KIAA0586: variants seen among roughly 807,000 people sequenced by gnomAD.
KIAA0586 encodes the protein KIAA0586.
KIAA0586 carries 144 observed loss-of-function variants against 169.8 expected under a neutral mutation model. The observed-to-expected ratio is 0.85, with a 90% CI of 0.74 to 0.97. The LOEUF is 0.97. Among genes scored for constraint, KIAA0586 ranks in the 50% least tolerant of loss-of-function variants. KIAA0586 has a pLI of 0.00. For missense variants in KIAA0586, 1,854 were observed against 1,823.0 expected (o/e 1.02, Z -0.31); for synonymous variants, 625 against 612.4 (o/e 1.02, Z -0.30).
intron 30 of KIAA0586, among the ~76,000 whole-genome samples, chr14:58,544,248 G>A (rs942665556): frequency 4.6e-5 from 7 of 152,052 alleles, no homozygotes; most frequent in Admixed American, 2.0e-4. Flanking sequence ...ATGTACCACA[G>A]TTTCTTTATC....
At chr14:58,455,309 C>T (rs1365226615) in intron 9 of KIAA0586, among the ~76,000 whole-genome samples, 1 of 152,172 alleles carries the variant, frequency 6.6e-6, no homozygotes, top group Non-Finnish European at 1.5e-5. Flanking sequence ...CCTAGTAAGT[C>T]TAATATCTGG....
intron 22 of KIAA0586, 112 bp downstream of exon 22, chr14:58,487,278 G>A: frequency 2.1e-6 from 2 of 931,260 alleles, no homozygotes; most frequent in East Asian, 2.7e-5. Context: ...TTTCTCACAA[G>A]GAAATTTAGG....
intron 26 of KIAA0586, among the ~76,000 whole-genome samples, chr14:58,496,400 A>T (rs2043159209): frequency 6.6e-6 from 1 of 152,248 alleles, no homozygotes; most frequent in Non-Finnish European, 1.5e-5. Flanking sequence ...GATTCACAAC[A>T]GAGAAGTTAC....
At chr14:58,511,334 T>A (rs1344764394) in intron 28 of KIAA0586, among the ~76,000 whole-genome samples, 2 of 152,234 alleles carry the variant, frequency 1.3e-5, no homozygotes, top group Non-Finnish European at 2.9e-5. Flanking sequence ...CTAAGTTTTT[T>A]ACGTATTTTA....
rs545316898 is a variant in KIAA0586 at position 58,491,693 on chromosome 14, T to C, written c.3859-451T>C. ...GCAAAGGGACATTGAGGTCTATAGC[T>C]GCCATACCATACTTCTGCAGTTTTT... is the stretch of plus-strand genomic sequence containing the variant. On this transcript the variant is annotated intron_variant, in intron 25 of 30. Transcript: ENST00000652326. Among the ~76,000 whole-genome samples, 30 of 152,348 alleles carry C rather than the reference T, an allele frequency of 2.0e-4. 1 individual carries two copies. In the South Asian group the frequency reaches 6.2e-3, roughly 32 times the overall value.
intron 27 of KIAA0586, among the ~76,000 whole-genome samples, chr14:58,507,984 C>G (rs1039568188): frequency 9.9e-5 from 15 of 152,020 alleles, no homozygotes; most frequent in Non-Finnish European, 1.9e-4. Context: ...CAGGTTTCAC[C>G]GTGTTGGCCA....
Position 58,461,097 on chromosome 14 carries a change from A to C in KIAA0586, c.1996A>C (p.Arg666=), listed in dbSNP as rs772053869. 6.2e-7 allele frequency: 1 copy of C among 1,611,854 alleles called. No homozygotes were observed. Among genetic ancestry groups the C allele is most frequent in the African/African-American group, 1.3e-5 (1 of 74,872 alleles). ...CACTCTTAAAAAAGGACCATATCTC[A>C]GATTTAATTCTCCATCTCCTAAGTC... ...RSTLKKGPYL[R]FNSPSPKSRP... The change falls in exon 14 of 31, where the codon AGA becomes CGA. Residue 666 remains arginine (R), a synonymous_variant. Coordinates refer to ENST00000652326, the MANE Select transcript of KIAA0586 (RefSeq NM_001329943.3).
At chr14:58,437,818 A>C (rs1438079818) in intron 4 of KIAA0586, among the ~76,000 whole-genome samples, 1 of 152,092 alleles carries the variant, frequency 6.6e-6, no homozygotes, top group Non-Finnish European at 1.5e-5. Flanking sequence ...AGCTCTGGGA[A>C]TAGTTGAAGT....
At chr14:58,547,685 C>G (rs1566969553) in intron 30 of KIAA0586, 96 bp from the exon 31 acceptor site, 199 of 630,850 alleles carry the variant, frequency 3.2e-4, no homozygotes, top group Middle Eastern at 6.1e-4. Flanking sequence ...GGAATCCGCG[C>G]CCCCCCACCC....
Position 58,428,111 on chromosome 14 carries a change from G to T in KIAA0586, c.-154G>T, listed in dbSNP as rs2036996188. ...GACTTTATAGTCAGCTCTAATCCTG[G>T]ATTCAATATCAGAATTTAGATTTTC... is the stretch of plus-strand genomic sequence containing the variant. On this transcript the variant is annotated 5_prime_UTR_variant, in exon 1 of 31. Coordinates refer to ENST00000652326, the MANE Select transcript of KIAA0586 (RefSeq NM_001329943.3). 2.1e-6 allele frequency: 3 copies of T among 1,462,838 alleles called. No homozygotes were observed. Among genetic ancestry groups the T allele is most frequent in the Admixed American group, 2.8e-5 (1 of 35,830 alleles). 90.6% of individuals were successfully genotyped at this position (1,462,838 alleles called of 1,614,324 possible).
intron 29 of KIAA0586, among the ~76,000 whole-genome samples, chr14:58,523,360 C>T (rs995403484): frequency 6.6e-6 from 1 of 152,088 alleles, no homozygotes; most frequent in Non-Finnish European, 1.5e-5. Context: ...AAACCATACA[C>T]GAGGATTGTT....
chr14:58,471,813 A>G (rs987772044), intron 17 of KIAA0586, among the ~76,000 whole-genome samples: 1 of 151,948 alleles, frequency 6.6e-6, no homozygotes, highest in Non-Finnish European at 1.5e-5. Context: ...TTTTTCCTGA[A>G]TTATTTGATT....
chr14:58,506,199 C>G (rs2043928043), intron 27 of KIAA0586, among the ~76,000 whole-genome samples: 2 of 151,806 alleles, frequency 1.3e-5, no homozygotes, highest in African/African-American at 4.8e-5. Flanking sequence ...GAACAAGTCA[C>G]ATAGGAATAG....
At position 58,465,797 on chromosome 14, in the gene KIAA0586, C is replaced by A. The variant is rs772996721; in HGVS notation, c.2060-38C>A. 5.5e-6 allele frequency: 7 copies of A among 1,271,340 alleles called. No individual in the cohort carries two copies. The Admixed American group carries it at 1.1e-4, about 19-fold the overall frequency. 78.8% of individuals were successfully genotyped at this position (1,271,340 alleles called of 1,614,324 possible). A position where few individuals can be genotyped will look rare whatever the true frequency, so the allele number is the denominator to read the frequency against. On this transcript the variant is annotated intron_variant, in intron 14 of 30. Coordinates refer to ENST00000652326, the MANE Select transcript of KIAA0586 (RefSeq NM_001329943.3). Reference sequence around the variant, plus strand: ...GATGTCTGGATAGTAGATATTCTAACAATATTTTAAAATATCTGCCATTGG... The same window carrying A: ...GATGTCTGGATAGTAGATATTCTAAAAATATTTTAAAATATCTGCCATTGG...
chr14:58,467,348 G>T (rs967046346), intron 15 of KIAA0586, among the ~76,000 whole-genome samples: 1 of 152,178 alleles, frequency 6.6e-6, no homozygotes, highest in Non-Finnish European at 1.5e-5. Flanking sequence ...TTCAAACCCA[G>T]GCAGAGGCAG....
In KIAA0586 at chr14:58,487,103, T is replaced by C. The variant is rs754311789; in HGVS notation, c.3241T>C (p.Ser1081Pro). The C allele has an allele frequency of 6.2e-7, 1 of 1,613,818 alleles. No individual in the cohort carries two copies. The highest frequency in any genetic ancestry group is 8.5e-7 in the Non-Finnish European group (1 of 1,179,728). The change falls in exon 22 of 31, where the codon TCT (serine) becomes CCT (proline). Residue 1081 changes from serine (S) to proline (P), a missense_variant. Transcript: ENST00000652326. ...GTGTGTTTTGGTAAAGACTCCAGAT[T>C]CTTCTCCCTGTGATTCGGATCATGA... The part of the protein sequence containing the change: ...KECVLVKTPD[S>P]SPCDSDHDMA...
rs766237837 is a variant in KIAA0586 at position 58,488,784 on chromosome 14, A to G, written c.3691A>G (p.Ser1231Gly). 4 of 1,613,722 alleles carry G rather than the reference A, an allele frequency of 2.5e-6. No homozygotes were observed. In the African/African-American group the frequency reaches 4.0e-5, roughly 16 times the overall value. Reference protein sequence around the residue: ...SDSSTLESTLSVTVTETETLD... With the variant: ...SDSSTLESTLGVTVTETETLD... ...TTCATCAACACTGGAGAGCACATTG[A>G]GTGTTACTGTCACTGAAACTGAAAC... is the stretch of plus-strand genomic sequence containing the variant. The change falls in exon 24 of 31, where the codon AGT becomes GGT. Residue 1231 changes from serine to glycine, a missense_variant. By Grantham distance (56) the Ser-to-Gly change is moderately conservative. Coordinates refer to ENST00000652326, the MANE Select transcript of KIAA0586 (RefSeq NM_001329943.3).
In KIAA0586 at chr14:58,492,152, T is replaced by C; in HGVS notation, c.3867T>C (p.Asp1289=). The part of the protein sequence containing the change: ...TLHDAVEMED[D]PPSEGQVIRM... ...CTTTATGTTTCTTTTAGGAGGATGA[T>C]CCTCCTAGTGAAGGGCAAGTGATTA... The change falls in exon 26 of 31, where the codon GAT becomes GAC. Residue 1289 remains aspartate, a synonymous_variant. Transcript: ENST00000652326. 6.6e-7 allele frequency: 1 copy of C among 1,526,248 alleles called. No individual in the cohort carries two copies. Among genetic ancestry groups the C allele is most frequent in the African/African-American group, 1.4e-5 (1 of 71,800 alleles). The allele number at this position is 1,526,248 out of a possible 1,614,324, so 94.5% of individuals were successfully genotyped here. A position where few individuals can be genotyped will look rare whatever the true frequency, so the allele number is the denominator to read the frequency against.
At chr14:58,554,791 A>G (rs1048960592), downstream of KIAA0586, among the ~76,000 whole-genome samples, 3 of 152,210 alleles carry the variant, frequency 2.0e-5, no homozygotes, top group African/African-American at 7.2e-5. Context: ...TAAAATATGT[A>G]AGAAAAATTT....
Sources: gnomAD v4.1 joint callset for allele counts (sites outside exome capture counted in the v4.1 genomes callset) on GRCh38, gnomAD v4.1.1 for gene constraint, MANE v1.5 for transcripts, NCBI Gene and HGNC (gene_info 2026-07-23, HGNC 2026-07-21) for gene names.